Variants in DNAH14 observed in about 807,000 individuals in gnomAD.
DNAH14 encodes dynein axonemal heavy chain 14.
Under a neutral mutation model 520.9 loss-of-function variants are expected in DNAH14, and 478 were observed. The ratio of observed to expected loss-of-function variants is 0.92; its 90% CI spans 0.85 to 0.99. The LOEUF is 0.99. Among genes scored for constraint, DNAH14 ranks in the 50% least tolerant of loss-of-function variants. DNAH14 has a pLI of 0.00. For missense variants in DNAH14, 4,831 were observed against 5,234.5 expected (o/e 0.92, Z 2.38); for synonymous variants, 1,581 against 1,757.2 (o/e 0.90, Z 2.51).
chr1:224,938,020 C>T (rs1482340411), intron 1 of DNAH14, among the ~76,000 whole-genome samples: 2 of 152,038 alleles, frequency 1.3e-5, no homozygotes, highest in African/African-American at 4.8e-5. Context: ...AAACTGGACC[C>T]CTATCTCTCA....
At chr1:225,168,591 C>T (rs146350664) in intron 36 of DNAH14, among the ~76,000 whole-genome samples, 6,417 of 152,214 alleles carry the variant, frequency 0.042, 197 homozygotes, top group Non-Finnish European at 0.061. Flanking sequence ...AAGGTGGCAG[C>T]GAGGCTGGAG....
In DNAH14 at chr1:225,351,672, A is replaced by T; in HGVS notation, c.11322A>T (p.Gln3774His). The T allele has an allele frequency of 6.5e-7, 1 of 1,548,630 alleles. No individual in the cohort carries two copies. Among genetic ancestry groups the T allele is most frequent in the Non-Finnish European group, 8.7e-7 (1 of 1,144,812 alleles). Reference sequence around the variant, plus strand: ...GCACATTTGAAATAGGTGAAAGTCAACATCTTCAGTGGCTGTCAGATTCCA... The same window carrying T: ...GCACATTTGAAATAGGTGAAAGTCATCATCTTCAGTGGCTGTCAGATTCCA... ...LTSTFEIGES[Q>H]HLQWLSDSRW... Residue 3774 changes from glutamine (Q) to histidine (H), a missense_variant, in exon 72 of 86, where the codon CAA becomes CAT. Physicochemically the swap from Gln to His is conservative, Grantham distance 24. Transcript: ENST00000682510.
chr1:225,168,118 C>A, intron 36 of DNAH14, 90 bp downstream of exon 36: 1 of 736,304 alleles, frequency 1.4e-6, no homozygotes, highest in Non-Finnish European at 2.2e-6. Flanking sequence ...TAAAAGAGAG[C>A]TGTTACAGGT....
chr1:225,383,840 A>G (rs971222555), intron 81 of DNAH14, among the ~76,000 whole-genome samples: 3 of 152,134 alleles, frequency 2.0e-5, no homozygotes, highest in Non-Finnish European at 4.4e-5. Flanking sequence ...TACAGTGTCA[A>G]TTTTAGATCT....
At position 225,240,579 on chromosome 1, in the gene DNAH14, C is replaced by A; in HGVS notation, c.6519-14C>A. 6.8e-7 allele frequency: 1 copy of A among 1,467,814 alleles called. No homozygotes were observed. The highest frequency in any genetic ancestry group is 9.3e-7 in the Non-Finnish European group (1 of 1,072,798). 90.9% of individuals were successfully genotyped at this position (1,467,814 alleles called of 1,614,324 possible). A position where few individuals can be genotyped will look rare whatever the true frequency, so the allele number is the denominator to read the frequency against. On this transcript the variant is annotated splice_polypyrimidine_tract_variant and intron_variant, in intron 42 of 85. Coordinates refer to ENST00000682510, the MANE Select transcript of DNAH14 (RefSeq NM_001367479.1). The stretch of plus-strand genomic sequence containing the variant: ...AAATGTTAACCTTCATCCTTCCATA[C>A]CTGTCTACCCCAGGGATGAAAATAC...
chr1:225,097,093 TG>T, intron 21 of DNAH14, 24 bp from the exon 22 acceptor site: 1 of 1,502,220 alleles, frequency 6.7e-7, no homozygotes, highest in East Asian at 2.5e-5. Context: ...TAGATTTGTA[TG>T]TGTATATGTT....
chr1:225,215,737 C>T (rs909067469), intron 41 of DNAH14, among the ~76,000 whole-genome samples: 11 of 152,004 alleles, frequency 7.2e-5, no homozygotes, highest in Non-Finnish European at 1.5e-4. Flanking sequence ...TTTTAACTTT[C>T]CGTTTGCTTG....
chr1:225,341,767 A>AACTT (rs2095186507), intron 69 of DNAH14, among the ~76,000 whole-genome samples: 1 of 152,232 alleles, frequency 6.6e-6, no homozygotes, highest in African/African-American at 2.4e-5. Context: ...ACTGCATCTA[A>AACTT]ACTTAAAGAA....
At chr1:225,096,600 C>T (rs775130765) in intron 21 of DNAH14, among the ~76,000 whole-genome samples, 5 of 151,914 alleles carry the variant, frequency 3.3e-5, no homozygotes, top group East Asian at 1.9e-4. Flanking sequence ...CTGAAGAAGA[C>T]GTATAAGTAC....
chr1:225,226,331 T>C (rs2090528772), intron 41 of DNAH14, among the ~76,000 whole-genome samples: 1 of 152,216 alleles, frequency 6.6e-6, no homozygotes, highest in Non-Finnish European at 1.5e-5. Flanking sequence ...GTGTGTAAGT[T>C]ATAAAAGTTC....
chr1:224,955,189 A>T, intron 3 of DNAH14, 91 bp downstream of exon 3: 1 of 1,319,046 alleles, frequency 7.6e-7, no homozygotes, highest in South Asian at 1.3e-5. Flanking sequence ...AATTAAGGAA[A>T]CAAGTGAAAC....
chr1:225,037,836 C>T (rs1168098386), intron 11 of DNAH14, among the ~76,000 whole-genome samples: 1 of 152,138 alleles, frequency 6.6e-6, no homozygotes, highest in East Asian at 1.9e-4. Flanking sequence ...GCGTGTGCCA[C>T]CATGCCTGGC....
At chr1:225,188,324 T>G (rs1203956516) in intron 37 of DNAH14, among the ~76,000 whole-genome samples, 1 of 151,916 alleles carries the variant, frequency 6.6e-6, no homozygotes, top group Non-Finnish European at 1.5e-5. Context: ...TTTTATCATA[T>G]CATCATCACA....
intron 23 of DNAH14, among the ~76,000 whole-genome samples, chr1:225,114,047 A>G (rs1370188060): frequency 6.6e-6 from 1 of 152,338 alleles, no homozygotes; most frequent in Admixed American, 6.5e-5. Flanking sequence ...TTCTCAAGCA[A>G]AAGAAGTCTT....
chr1:225,144,944 A>G (rs1406646915), intron 29 of DNAH14, among the ~76,000 whole-genome samples: 1 of 152,044 alleles, frequency 6.6e-6, no homozygotes, highest in African/African-American at 2.4e-5. Context: ...AGAGAGAGAG[A>G]GAGAAAGTGA....
intron 11 of DNAH14, among the ~76,000 whole-genome samples, chr1:225,029,649 G>A (rs1430461130): frequency 6.6e-6 from 1 of 151,894 alleles, no homozygotes; most frequent in African/African-American, 2.4e-5. Context: ...GAAGTTTGGG[G>A]TATTGTGAGA....
intron 1 of DNAH14, among the ~76,000 whole-genome samples, chr1:224,948,430 T>C (rs957097561): frequency 2.6e-5 from 4 of 152,058 alleles, no homozygotes; most frequent in African/African-American, 9.6e-5. Flanking sequence ...GTATATCTCT[T>C]TCCTGTACTT....
chr1:225,154,128 T>C (rs2080796018), intron 34 of DNAH14, among the ~76,000 whole-genome samples: 1 of 152,012 alleles, frequency 6.6e-6, no homozygotes, highest in Non-Finnish European at 1.5e-5. Context: ...GTAAAGACTA[T>C]ATGAATATAC....
At chr1:224,985,206 G>A (rs748445245) in intron 8 of DNAH14, among the ~76,000 whole-genome samples, 2 of 152,048 alleles carry the variant, frequency 1.3e-5, no homozygotes, top group African/African-American at 2.4e-5. Flanking sequence ...GCAAAATCGT[G>A]GAACCAACCC....
Sources: gnomAD v4.1 joint callset for allele counts (sites outside exome capture counted in the v4.1 genomes callset) on GRCh38, gnomAD v4.1.1 for gene constraint, MANE v1.5 for transcripts, NCBI Gene and HGNC (gene_info 2026-07-23, HGNC 2026-07-21) for gene names.